The following CFAP77 variants were observed in gnomAD, a reference collection of about 807,000 sequenced individuals.
CFAP77 encodes the protein cilia and flagella associated protein 77.
In CFAP77, 25 loss-of-function variants were observed where a neutral mutation model predicts 31.1. That is an observed-to-expected ratio of 0.80 (90% CI 0.59 to 1.12). CFAP77 has a LOEUF of 1.12. CFAP77 is among the 50% of genes most tolerant of loss of function. The pLI, the probability that CFAP77 is intolerant of heterozygous loss-of-function variation, is 0.00. For synonymous variants in CFAP77, 151 were observed against 159.9 expected (o/e 0.94, Z 0.42); for missense variants, 377 against 397.3 (o/e 0.95, Z 0.44).
intron 1 of CFAP77, among the ~76,000 whole-genome samples, chr9:132,414,587 C>CG (rs1050276705): frequency 6.6e-6 from 1 of 151,942 alleles, no homozygotes; most frequent in African/African-American, 2.4e-5. Context: ...TCCCCACCCC[C>CG]GTAAGTTTTC....
chr9:132,550,146 A>G (rs1003661771), intron 5 of CFAP77, among the ~76,000 whole-genome samples: 3 of 152,140 alleles, frequency 2.0e-5, no homozygotes, highest in Non-Finnish European at 4.4e-5. Flanking sequence ...TTCCAACAGG[A>G]CCAGTCCTAC....
intron 1 of CFAP77, among the ~76,000 whole-genome samples, chr9:132,453,042 G>A (rs373364201): frequency 6.6e-6 from 1 of 152,144 alleles, no homozygotes; most frequent in African/African-American, 2.4e-5. Context: ...CAGTCAACAC[G>A]AACCACTTGG....
chr9:132,482,296 C>T (rs1484188594), intron 1 of CFAP77: 2 of 1,597,146 alleles, frequency 1.3e-6, no homozygotes, highest in Admixed American at 3.3e-5. Context: ...GTGGACTCTG[C>T]ATTTCTTTCG....
intron 1 of CFAP77, among the ~76,000 whole-genome samples, chr9:132,459,273 G>A (rs1022229985): frequency 4.6e-5 from 7 of 152,018 alleles, no homozygotes; most frequent in South Asian, 2.1e-4. Context: ...GGGTTTCACC[G>A]TGTTAGCCAG....
intron 1 of CFAP77, among the ~76,000 whole-genome samples, chr9:132,452,537 A>C (rs1850844583): frequency 6.6e-6 from 1 of 152,188 alleles, no homozygotes; most frequent in Admixed American, 6.5e-5. Context: ...ATAGAATTGG[A>C]GCATGATTTT....
chr9:132,437,418 G>A (rs981403072), intron 1 of CFAP77, among the ~76,000 whole-genome samples: 9 of 152,056 alleles, frequency 5.9e-5, no homozygotes, highest in African/African-American at 2.2e-4. Flanking sequence ...AAGGCTGAAG[G>A]AAAGAGTCGT....
intron 1 of CFAP77, among the ~76,000 whole-genome samples, chr9:132,461,828 C>T (rs1222567590): frequency 2.0e-5 from 3 of 152,188 alleles, no homozygotes; most frequent in Non-Finnish European, 4.4e-5. Context: ...CCACTTCATC[C>T]GCCTCACAGA....
chr9:132,410,252 G>T lies in CFAP77; in HGVS notation c.-20G>T. 6.5e-7 allele frequency: 1 copy of T among 1,542,970 alleles called. No individual in the cohort carries two copies. ...CGCGCCCAAACCAGCCCGCGGGCCGGCTCCCCGGCGACCTCAAGGATGCCA... is the reference window on the plus strand; with the variant it reads ...CGCGCCCAAACCAGCCCGCGGGCCGTCTCCCCGGCGACCTCAAGGATGCCA... On this transcript the variant is annotated 5_prime_UTR_variant, in exon 1 of 6. Coordinates refer to ENST00000393216, the MANE Select transcript of CFAP77 (RefSeq NM_001282957.2).
chr9:132,458,071 C>A (rs1850953779), intron 1 of CFAP77, among the ~76,000 whole-genome samples: 1 of 152,226 alleles, frequency 6.6e-6, no homozygotes, highest in Non-Finnish European at 1.5e-5. Context: ...CAGCTCAGAG[C>A]AGTAGAGAAG....
rs147293917 is a variant in CFAP77, at chr9:132,568,447, T to G, written c.733-3941T>G. Among the ~76,000 whole-genome samples, 1,236 of 150,402 alleles carry G rather than the reference T, an allele frequency of 8.2e-3. 12 individuals are homozygous for G. The highest frequency in any genetic ancestry group is 0.029 in the African/African-American group (1,164 of 40,686). On this transcript the variant is annotated intron_variant, in intron 5 of 5. Coordinates refer to ENST00000393216, the MANE Select transcript of CFAP77 (RefSeq NM_001282957.2). ...GGCAGGCGCCTGTAATTCCAGCTAC[T>G]CGGGAGGCTGAGGCAGGAGAATTGC...
Position 132,480,032 on chromosome 9 carries a change from C to T in CFAP77, c.196-18663C>T, listed in dbSNP as rs995040068. ...GCTCTGGATGACACGGATGGAGACG[C>T]GCTCCAGATAGGAAATGGCAGAGCT... On this transcript the variant is annotated intron_variant, in intron 1 of 5. Transcript: ENST00000393216. This position sits in a 1 kb window ranked among gnomAD's most constrained non-coding sequence, Gnocchi z 5.8. 2.6e-5 allele frequency among the ~76,000 whole-genome samples: 4 copies of T among 152,140 alleles called. No homozygotes were observed. Among genetic ancestry groups the T allele is most frequent in the East Asian group, 1.9e-4 (1 of 5,184 alleles).
chr9:132,449,969 G>A (rs997454732), intron 1 of CFAP77, among the ~76,000 whole-genome samples: 2 of 152,120 alleles, frequency 1.3e-5, no homozygotes, highest in African/African-American at 4.8e-5. Context: ...CTGGAGTGCA[G>A]TGGCACTATC....
chr9:132,426,028 A>G (rs1225849619), intron 1 of CFAP77, among the ~76,000 whole-genome samples: 1 of 152,234 alleles, frequency 6.6e-6, no homozygotes, highest in Non-Finnish European at 1.5e-5. Context: ...TACCTGAAGC[A>G]TTCACAAGCC....
At chr9:132,532,886 C>G (rs1352173745) in intron 3 of CFAP77, among the ~76,000 whole-genome samples, 1 of 152,148 alleles carries the variant, frequency 6.6e-6, no homozygotes, top group Non-Finnish European at 1.5e-5. Context: ...CATATCTCTA[C>G]AAAAAATAAA....
At position 132,498,654 on chromosome 9, in the gene CFAP77, A is replaced by C. The variant is rs1292401307; in HGVS notation, c.196-41A>C. On this transcript the variant is annotated intron_variant, in intron 1 of 5. Coordinates refer to ENST00000393216, the MANE Select transcript of CFAP77 (RefSeq NM_001282957.2). The surrounding 1 kb of genome is among the most constrained non-coding windows in gnomAD (Gnocchi z 4.2). ...CGGATTACAATACATTTGGTCTGAG[A>C]CTCCACTCCTCACCTCTGCTCTCTG... The C allele has an allele frequency of 3.5e-6, 5 of 1,448,690 alleles. No homozygotes were observed. The highest frequency in any genetic ancestry group is 2.3e-5 in the East Asian group (1 of 43,192). 89.7% of individuals were successfully genotyped at this position (1,448,690 alleles called of 1,614,324 possible). A position where few individuals can be genotyped will look rare whatever the true frequency, so the allele number is the denominator to read the frequency against.
intron 1 of CFAP77, among the ~76,000 whole-genome samples, chr9:132,471,862 G>A (rs557580646): frequency 2.6e-5 from 4 of 152,088 alleles, no homozygotes; most frequent in South Asian, 2.1e-4. Context: ...CTGCTACCAC[G>A]CCTGGTTAAT....
At chr9:132,569,634 C>G (rs1829928990) in intron 5 of CFAP77, among the ~76,000 whole-genome samples, 1 of 151,994 alleles carries the variant, frequency 6.6e-6, no homozygotes, top group Non-Finnish European at 1.5e-5. Context: ...GCCAGGGGTG[C>G]CTCAGGTCCA....
At chr9:132,464,337 G>A (rs1475699599) in intron 1 of CFAP77, among the ~76,000 whole-genome samples, 1 of 151,958 alleles carries the variant, frequency 6.6e-6, no homozygotes, top group Non-Finnish European at 1.5e-5. Flanking sequence ...AAGTCTTGGA[G>A]AGGTGAAATT....
intron 1 of CFAP77, among the ~76,000 whole-genome samples, chr9:132,446,581 A>G (rs913970396): frequency 5.3e-5 from 8 of 151,922 alleles, no homozygotes; most frequent in African/African-American, 1.9e-4. Context: ...TCTACTAAAA[A>G]ATACAAAAAA....
Sources: gnomAD v4.1 joint callset for allele counts (sites outside exome capture counted in the v4.1 genomes callset) on GRCh38, gnomAD v4.1.1 for gene constraint, Gnocchi (gnomAD v3.1) non-coding constraint, MANE v1.5 for transcripts, NCBI Gene and HGNC (gene_info 2026-07-23, HGNC 2026-07-21) for gene names.